XPC: variants seen among roughly 807,000 people sequenced by gnomAD.
XPC encodes XPC complex subunit, DNA damage recognition and repair factor, also known as DNA repair protein complementing XP-C cells.
XPC carries 76 observed loss-of-function variants against 95.8 expected under a neutral mutation model. The ratio of observed to expected loss-of-function variants is 0.79; its 90% CI spans 0.66 to 0.96. The LOEUF (loss-of-function observed/expected upper bound fraction) is 0.96, where lower values mean the gene tolerates loss of function less well. Ranked by LOEUF, XPC falls within the 40% of genes least tolerant of loss-of-function variation. XPC has a pLI of 0.00. For synonymous variants in XPC, 442 were observed against 442.1 expected (o/e 1.00, Z 0.00); for missense variants, 1,146 against 1,179.8 (o/e 0.97, Z 0.42).
rs573565990 is a variant in XPC, at chr3:14,173,571, T to A, written c.104-509A>T. Among the ~76,000 whole-genome samples, 196 of 152,330 alleles carry A rather than the reference T, an allele frequency of 1.3e-3. 1 individual carries two copies. The highest frequency in any genetic ancestry group is 1.6e-3 in the Non-Finnish European group (111 of 68,030). On this transcript the variant is annotated intron_variant, in intron 1 of 15. Coordinates refer to ENST00000285021, the MANE Select transcript of XPC (RefSeq NM_004628.5). Reference sequence around the variant, plus strand: ...ATACTGCTCTGAAACCTTTCCAATGTAACCCAAATGGCACTCATATACCAA... The same window carrying A: ...ATACTGCTCTGAAACCTTTCCAATGAAACCCAAATGGCACTCATATACCAA...
intron 13 of XPC, 114 bp downstream of exon 13, chr3:14,148,448 T>C (rs1559368706): frequency 4.3e-6 from 6 of 1,408,092 alleles, no homozygotes; most frequent in South Asian, 2.7e-5. Context: ...ATCCTGAAAA[T>C]TGGAGCCACC....
intron 5 of XPC, 74 bp downstream of exon 5, chr3:14,167,095 A>G (rs1477294122): frequency 1.2e-5 from 17 of 1,365,024 alleles, no homozygotes; most frequent in African/African-American, 4.4e-5. Context: ...GCAAAGCCAG[A>G]AATAAAGCCT....
At chr3:14,166,008 C>T (rs1311736497) in intron 5 of XPC, 1 of 188,578 alleles carries the variant, frequency 5.3e-6, no homozygotes, top group African/African-American at 2.4e-5. Context: ...GGGATGCACC[C>T]CACTGGGCTC....
chr3:14,159,552 G>A (rs1326125901), intron 8 of XPC, among the ~76,000 whole-genome samples, 189 bp downstream of exon 8: 2 of 152,170 alleles, frequency 1.3e-5, no homozygotes, highest in Non-Finnish European at 2.9e-5. Flanking sequence ...CTCTGCACAC[G>A]TGAAGTTCAG....
rs1273400828 is a variant in XPC, at chr3:14,147,944, T to C, written c.2478A>G (p.Glu826=). ...TCCTTTCAATGACTGCCTGCTCATT[T>C]TCCCAGGCAGTCAGGAGCACGTCTT... ...EFKDVLLTAW[E]NEQAVIERKE... is the part of the protein sequence containing the mutation. Residue 826 remains glutamate (E), a synonymous_variant, in exon 14 of 16, where the codon GAA becomes GAG. Coordinates refer to ENST00000285021, the MANE Select transcript of XPC (RefSeq NM_004628.5). 1 of 1,604,312 alleles carries C rather than the reference T, an allele frequency of 6.2e-7. No individual in the cohort carries two copies. The highest frequency in any genetic ancestry group is 1.1e-5 in the South Asian group (1 of 89,074).
chr3:14,164,971 G>A (rs764732395), intron 6 of XPC, 38 bp from the exon 7 acceptor site: 1 of 1,566,422 alleles, frequency 6.4e-7, no homozygotes, highest in Non-Finnish European at 8.6e-7. Context: ...TCAGAGGTCA[G>A]GGCAAAGGGG....
chr3:14,157,262 A>C (rs1010718768), intron 9 of XPC, among the ~76,000 whole-genome samples: 4 of 152,178 alleles, frequency 2.6e-5, no homozygotes, highest in Admixed American at 2.6e-4. Flanking sequence ...CCCTGGAGCA[A>C]ACACTCAATA....
intron 3 of XPC, 84 bp from the exon 4 acceptor site, chr3:14,168,464 G>A (rs1696478978): frequency 2.6e-6 from 4 of 1,533,158 alleles, no homozygotes; most frequent in Non-Finnish European, 3.6e-6. Context: ...GGTTCTGCTG[G>A]GAAGGAGGAA....
chr3:14,178,326 G>C (rs1696923579), intron 1 of XPC, 140 bp downstream of exon 1: 5 of 990,792 alleles, frequency 5.0e-6, no homozygotes, highest in Non-Finnish European at 7.0e-6. Context: ...GCCGGCCGCA[G>C]CCTGCCGGGC....
chr3:14,160,346 T>C (rs2125028971), intron 7 of XPC, among the ~76,000 whole-genome samples: 1 of 152,314 alleles, frequency 6.6e-6, no homozygotes, highest in Non-Finnish European at 1.5e-5. Context: ...CCACATTGAA[T>C]CTTTAACTGA....
Position 14,145,797 on chromosome 3 carries a change from G to T in XPC, c.*144C>A. ...TCCTCAGCTTGGCCTCGTCTCCCCT[G>T]ACCCCGCCTCCGTGCATGCTGCCTC... On this transcript the variant is annotated 3_prime_UTR_variant, in exon 16 of 16. Coordinates refer to ENST00000285021, the MANE Select transcript of XPC (RefSeq NM_004628.5). The T allele has an allele frequency of 9.6e-7, 1 of 1,041,772 alleles. No individual in the cohort carries two copies. The highest frequency in any genetic ancestry group is 1.4e-6 in the Non-Finnish European group (1 of 695,014). 64.5% of individuals were successfully genotyped at this position (1,041,772 alleles called of 1,614,324 possible). A position where few individuals can be genotyped will look rare whatever the true frequency, so the allele number is the denominator to read the frequency against.
intron 8 of XPC, 157 bp downstream of exon 8, chr3:14,159,584 T>C (rs917313785): frequency 5.4e-6 from 4 of 746,284 alleles, no homozygotes; most frequent in Admixed American, 5.2e-5. Context: ...CCCACTCACA[T>C]GCCCAAGTCT....
rs886058050 is a variant in XPC, at chr3:14,158,414, C to T, written c.1469G>A (p.Ser490Asn). The T allele has an allele frequency of 5.6e-6, 9 of 1,613,902 alleles. No homozygotes were observed. Among genetic ancestry groups the T allele is most frequent in the African/African-American group, 5.3e-5 (4 of 75,016 alleles). ...SKSASRTHRG[S>N]HRKDPSLPAA... Reference sequence around the variant, plus strand: ...TGGCAAGCTTGGGTCCTTACGATGGCTCCCACGATGGGTCCTGGAGGCACT... The same window carrying T: ...TGGCAAGCTTGGGTCCTTACGATGGTTCCCACGATGGGTCCTGGAGGCACT... Residue 490 changes from serine (S) to asparagine (N), a missense_variant, in exon 9 of 16, where the codon AGC becomes AAC. Coordinates refer to ENST00000285021, the MANE Select transcript of XPC (RefSeq NM_004628.5). The surrounding 1 kb of genome is among the most constrained non-coding windows in gnomAD (Gnocchi z 5.2).
At position 14,158,140 on chromosome 3, in the gene XPC, G is replaced by C; in HGVS notation, c.1743C>G (p.Val581=). The C allele has an allele frequency of 6.2e-7, 1 of 1,613,952 alleles. No individual in the cohort carries two copies. The highest frequency in any genetic ancestry group is 8.5e-7 in the Non-Finnish European group (1 of 1,179,886). ...TCCAGACTGGGTCGTACCTCTGTGT[G>C]ACATCTCGGACCCAGCCGTCACTGT... ...GIDSDGWVRD[V]TQRYDPVWMT... Residue 581 remains valine (V), a synonymous_variant, in exon 9 of 16, where the codon GTC becomes GTG. Coordinates refer to ENST00000285021, the MANE Select transcript of XPC (RefSeq NM_004628.5). This position sits in a 1 kb window ranked among gnomAD's most constrained non-coding sequence, Gnocchi z 5.2.
intron 11 of XPC, among the ~76,000 whole-genome samples, chr3:14,150,284 C>T (rs1695637045): frequency 6.6e-6 from 1 of 152,240 alleles, no homozygotes; most frequent in South Asian, 2.1e-4. Flanking sequence ...ATACAGACTT[C>T]CTCTAGTGCA....
rs1205567430 is a variant in XPC at position 14,170,420 on chromosome 3, CAAAG to C, written c.412+14_412+17del. The C allele has an allele frequency of 6.2e-7, 1 of 1,609,154 alleles. No individual in the cohort carries two copies. Among genetic ancestry groups the C allele is most frequent in the Non-Finnish European group, 8.5e-7 (1 of 1,175,762 alleles). On this transcript the variant is annotated intron_variant, in intron 3 of 15. Coordinates refer to ENST00000285021, the MANE Select transcript of XPC (RefSeq NM_004628.5). ...AAACAGAACCAAACAGTTCTGAAAA[CAAAG>C]AAAGATGTTTCACCTTCAACCTCTT...
At position 14,167,141 on chromosome 3, in the gene XPC, G is replaced by A. The variant is rs148673932; in HGVS notation, c.621+28C>T. 947 of 1,544,240 alleles carry A rather than the reference G, an allele frequency of 6.1e-4. 5 individuals are homozygous for A. In the African/African-American group the frequency reaches 1.0e-2, roughly 16 times the overall value. ...AAGCTCTTTGCACCGACAAGGAAAAGTCCTTCCCCATCATTCCTTGCCCTT... is the reference window on the plus strand; with the variant it reads ...AAGCTCTTTGCACCGACAAGGAAAAATCCTTCCCCATCATTCCTTGCCCTT... On this transcript the variant is annotated intron_variant, in intron 5 of 15. Transcript: ENST00000285021.
intron 7 of XPC, among the ~76,000 whole-genome samples, chr3:14,163,474 T>A (rs901367796): frequency 1.3e-5 from 2 of 152,210 alleles, no homozygotes; most frequent in Non-Finnish European, 2.9e-5. Context: ...TTGAAAACAT[T>A]ATACTAAGCA....
chr3:14,173,012 A>T lies in XPC; in HGVS notation c.154T>A (p.Ser52Thr). ...PPKKSLLSKV[S>T]QGKRKRGCSH... is the part of the protein sequence containing the mutation. ...CAGCCTCTTTTCCTCTTTCCTTGTGAAACTTTGGAGAGAAGGCTCTTCTTT... is the reference window on the plus strand; with the variant it reads ...CAGCCTCTTTTCCTCTTTCCTTGTGTAACTTTGGAGAGAAGGCTCTTCTTT... Residue 52 changes from serine (S) to threonine (T), a missense_variant, in exon 2 of 16, where the codon TCA (serine) becomes ACA (threonine). Ser to Thr is a moderately conservative substitution (Grantham distance 58). Transcript: ENST00000285021. 6.2e-7 allele frequency: 1 copy of T among 1,610,590 alleles called. No individual in the cohort carries two copies. The highest frequency in any genetic ancestry group is 8.5e-7 in the Non-Finnish European group (1 of 1,178,512).
Sources: gnomAD v4.1 joint callset for allele counts (sites outside exome capture counted in the v4.1 genomes callset) on GRCh38, gnomAD v4.1.1 for gene constraint, Gnocchi (gnomAD v3.1) non-coding constraint, MANE v1.5 for transcripts, NCBI Gene and HGNC (gene_info 2026-07-23, HGNC 2026-07-21) for gene names.